DACH1: variants seen among roughly 807,000 people sequenced by gnomAD.
DACH1 encodes the protein dachshund homolog 1.
DACH1 carries 12 observed loss-of-function variants against 54.2 expected under a neutral mutation model. The ratio of observed to expected loss-of-function variants is 0.22; its 90% CI spans 0.14 to 0.36. DACH1 has a LOEUF of 0.36. Among genes scored for constraint, DACH1 ranks in the 10% least tolerant of loss-of-function variants. The pLI is 1.00. For missense variants in DACH1, 805 were observed against 929.8 expected, an observed-to-expected ratio of 0.87 and a Z score of 1.75; for synonymous variants, 386 against 366.2, an observed-to-expected ratio of 1.05 and a Z score of -0.62.
intron 3 of DACH1, among the ~76,000 whole-genome samples, chr13:71,613,207 C>A (rs1875467439): frequency 6.6e-6 from 1 of 152,152 alleles, no homozygotes; most frequent in Non-Finnish European, 1.5e-5. Flanking sequence ...GAACAGAGAT[C>A]CACTGGCCAG....
chr13:71,713,764 A>T (rs899519972), intron 1 of DACH1, among the ~76,000 whole-genome samples: 1 of 152,102 alleles, frequency 6.6e-6, no homozygotes, highest in Non-Finnish European at 1.5e-5. Context: ...TAAAAGGTGT[A>T]TTAGATTTTT....
chr13:71,483,242 A>T (rs1489926553), intron 7 of DACH1, among the ~76,000 whole-genome samples: 2 of 151,392 alleles, frequency 1.3e-5, no homozygotes, highest in African/African-American at 2.4e-5. Flanking sequence ...GATTGAAAAT[A>T]AAAACATATA....
intron 1 of DACH1, among the ~76,000 whole-genome samples, chr13:71,748,995 C>A (rs1020705607): frequency 1.4e-5 from 2 of 146,164 alleles, no homozygotes; most frequent in African/African-American, 2.5e-5. Context: ...CCTTTTATTT[C>A]TTTCTTTCAG....
chr13:71,472,398 G>A (rs922016348), intron 10 of DACH1, among the ~76,000 whole-genome samples: 1 of 152,086 alleles, frequency 6.6e-6, no homozygotes, highest in Non-Finnish European at 1.5e-5. Context: ...AGTCTACCCA[G>A]AGGTGCATAT....
At chr13:71,719,561 C>T (rs1458366288) in intron 1 of DACH1, among the ~76,000 whole-genome samples, 1 of 152,090 alleles carries the variant, frequency 6.6e-6, no homozygotes, top group African/African-American at 2.4e-5. Flanking sequence ...ATTCTATTAC[C>T]TATATTTTTC....
intron 1 of DACH1, among the ~76,000 whole-genome samples, chr13:71,861,907 C>CAAAAAAAAA (rs71126514): frequency 1.2e-5 from 1 of 86,502 alleles, no homozygotes; most frequent in African/African-American, 4.4e-5. Context: ...AACTCCTAAC[C>CAAAAAAAAA]AAAAAAAAAA....
At chr13:71,699,644 A>G (rs1351190428) in intron 1 of DACH1, among the ~76,000 whole-genome samples, 1 of 152,234 alleles carries the variant, frequency 6.6e-6, no homozygotes, top group Non-Finnish European at 1.5e-5. Context: ...TGAAAAAAGA[A>G]TGGAGAATCT....
chr13:71,866,873 G>GCCC lies in DACH1; in HGVS notation c.-105_-104insGGG. On this transcript the variant is annotated 5_prime_UTR_variant, in exon 1 of 11. Transcript: ENST00000613252. ...AAAGGGGGGAGAAGGAGCGAGGGGG[G>GCCC]CAACAACAACTCCGGGAGAGAACGA... 1 of 682,362 alleles carries GCCC rather than the reference G, an allele frequency of 1.5e-6. No homozygotes were observed. Among genetic ancestry groups the GCCC allele is most frequent in the Non-Finnish European group, 1.9e-6 (1 of 515,994 alleles). The allele number at this position is 682,362 out of a possible 1,614,324, so 42.3% of individuals were successfully genotyped here. A position where few individuals can be genotyped will look rare whatever the true frequency, so the allele number is the denominator to read the frequency against.
At chr13:71,810,374 T>C (rs965884607) in intron 1 of DACH1, among the ~76,000 whole-genome samples, 3 of 152,144 alleles carry the variant, frequency 2.0e-5, no homozygotes, top group African/African-American at 4.8e-5. Flanking sequence ...ATTTTTGTCA[T>C]ATGGAACTAC....
intron 2 of DACH1, among the ~76,000 whole-genome samples, chr13:71,648,223 T>C (rs111752269): frequency 6.6e-6 from 1 of 152,216 alleles, no homozygotes; most frequent in Non-Finnish European, 1.5e-5. Context: ...ATCTTTGAGC[T>C]ATATCAAATA....
intron 9 of DACH1, 104 bp downstream of exon 9, chr13:71,475,602 G>C (rs1877443029): frequency 1.5e-6 from 2 of 1,322,680 alleles, no homozygotes; most frequent in Admixed American, 5.0e-5. Flanking sequence ...ATAGCTGAAT[G>C]AATCACAAGA....
At position 71,512,355 on chromosome 13, in the gene DACH1, C is replaced by T. The variant is rs1488848535; in HGVS notation, c.1571-23207G>A. Among the ~76,000 whole-genome samples, 8 of 151,586 alleles carry T rather than the reference C, an allele frequency of 5.3e-5. No individual in the cohort carries two copies. The Admixed American group carries it at 5.3e-4, about 10-fold the overall frequency. ...ATAAATTTCCCTTTGGTTTACCGCA[C>T]GGATTAACAAGTACCATTATATGAA... On this transcript the variant is annotated intron_variant, in intron 6 of 10. Coordinates refer to ENST00000613252, the MANE Select transcript of DACH1 (RefSeq NM_080759.6).
At chr13:71,562,180 T>C (rs1884626503) in intron 4 of DACH1, among the ~76,000 whole-genome samples, 2 of 152,174 alleles carry the variant, frequency 1.3e-5, no homozygotes, top group Non-Finnish European at 2.9e-5. Context: ...AGACGTATTG[T>C]TAGTATTATA....
chr13:71,631,448 T>C (rs1201679244), intron 2 of DACH1, among the ~76,000 whole-genome samples: 2 of 152,130 alleles, frequency 1.3e-5, no homozygotes, highest in Non-Finnish European at 2.9e-5. Flanking sequence ...TTTTCCTCAC[T>C]AGATTGTGAA....
intron 6 of DACH1, among the ~76,000 whole-genome samples, chr13:71,514,005 C>T (rs956289626): frequency 3.9e-5 from 6 of 152,068 alleles, no homozygotes; most frequent in African/African-American, 1.4e-4. Flanking sequence ...AAAGGCAGCT[C>T]CTGAAAATGG....
chr13:71,861,462 A>G (rs922675790), intron 1 of DACH1, among the ~76,000 whole-genome samples: 4 of 152,032 alleles, frequency 2.6e-5, no homozygotes. Context: ...TATATCCTGC[A>G]GTATAATTTG....
chr13:71,784,327 T>C (rs1886505936), intron 1 of DACH1, among the ~76,000 whole-genome samples: 1 of 152,022 alleles, frequency 6.6e-6, no homozygotes, highest in Non-Finnish European at 1.5e-5. Flanking sequence ...AGAAAATGGG[T>C]AAATAATTAA....
chr13:71,509,785 A>G (rs1176318274), intron 6 of DACH1, among the ~76,000 whole-genome samples: 1 of 152,084 alleles, frequency 6.6e-6, no homozygotes, highest in Non-Finnish European at 1.5e-5. Context: ...GCCAGGCTAT[A>G]TTATATCCCA....
chr13:71,818,965 C>T (rs1888078357), intron 1 of DACH1, among the ~76,000 whole-genome samples: 1 of 152,114 alleles, frequency 6.6e-6, no homozygotes, highest in Non-Finnish European at 1.5e-5. Context: ...AGAACACAAG[C>T]CCCTCAGATG....
Sources: gnomAD v4.1 joint callset for allele counts (sites outside exome capture counted in the v4.1 genomes callset) on GRCh38, gnomAD v4.1.1 for gene constraint, MANE v1.5 for transcripts, NCBI Gene and HGNC (gene_info 2026-07-23, HGNC 2026-07-21) for gene names.